Variants in CHMP3 observed in about 807,000 individuals in gnomAD.
CHMP3 encodes the protein charged multivesicular body protein 3, also known as 25.1 protein.
In CHMP3, 8 loss-of-function variants were observed where a neutral mutation model predicts 27.4. The observed-to-expected ratio is 0.29, with a 90% CI of 0.17 to 0.53. The LOEUF (loss-of-function observed/expected upper bound fraction) is 0.53, where lower values mean the gene tolerates loss of function less well. Among genes scored for constraint, CHMP3 ranks in the 20% least tolerant of loss-of-function variants. The pLI, the probability that CHMP3 is intolerant of heterozygous loss-of-function variation, is 0.96. For missense variants in CHMP3, 208 were observed against 271.5 expected, an observed-to-expected ratio of 0.77 and a Z score of 1.64; for synonymous variants, 86 against 85.5, an observed-to-expected ratio of 1.01 and a Z score of -0.03.
At chr2:86,535,562 G>A (rs1676093112) in intron 2 of CHMP3, among the ~76,000 whole-genome samples, 1 of 152,090 alleles carries the variant, frequency 6.6e-6, no homozygotes, top group African/African-American at 2.4e-5. Flanking sequence ...AGAGTGCAGT[G>A]GCATCATGAT....
At chr2:86,532,969 C>T (rs1310908724) in intron 2 of CHMP3, among the ~76,000 whole-genome samples, 1 of 152,208 alleles carries the variant, frequency 6.6e-6, no homozygotes, top group Non-Finnish European at 1.5e-5. Context: ...GTTTTCTTCT[C>T]TTCAATTTCT....
At chr2:86,514,560 C>T (rs775688479) in intron 3 of CHMP3, among the ~76,000 whole-genome samples, 43 of 152,144 alleles carry the variant, frequency 2.8e-4, no homozygotes, top group Non-Finnish European at 5.6e-4. Context: ...AAACCAAGAA[C>T]ACACATTATA....
intron 1 of CHMP3, chr2:86,562,988 T>C (rs1677447352): frequency 7.2e-6 from 2 of 278,332 alleles, no homozygotes; most frequent in South Asian, 2.2e-4. Flanking sequence ...TCCGGGCGGG[T>C]CGTACCAACG....
At chr2:86,513,896 G>A (rs958415746) in intron 3 of CHMP3, among the ~76,000 whole-genome samples, 1 of 152,192 alleles carries the variant, frequency 6.6e-6, no homozygotes, top group Non-Finnish European at 1.5e-5. Flanking sequence ...TTAGACTAGA[G>A]ATAATTGGGT....
chr2:86,542,178 G>A lies in CHMP3; in HGVS notation c.106+74C>T, dbSNP rs920823427. ...AAACTATGTCTTATGATATATAAAT[G>A]CAGTTTATTTTTATGAACTGAAGCA... On this transcript the variant is annotated intron_variant, in intron 2 of 5. Coordinates refer to ENST00000263856, the MANE Select transcript of CHMP3 (RefSeq NM_016079.4). 2.8e-6 allele frequency: 4 copies of A among 1,411,758 alleles called. No homozygotes were observed. In the African/African-American group the frequency reaches 4.3e-5, roughly 15 times the overall value. 87.5% of individuals were successfully genotyped at this position (1,411,758 alleles called of 1,614,324 possible).
chr2:86,509,201 C>T (rs930418850), intron 4 of CHMP3, among the ~76,000 whole-genome samples: 3 of 152,194 alleles, frequency 2.0e-5, no homozygotes, highest in Non-Finnish European at 2.9e-5. Flanking sequence ...AAAGGCTTCC[C>T]TCTCAGATCC....
chr2:86,533,572 A>G (rs1676007149), intron 2 of CHMP3, among the ~76,000 whole-genome samples: 1 of 152,034 alleles, frequency 6.6e-6, no homozygotes, highest in Non-Finnish European at 1.5e-5. Flanking sequence ...GTTGGTCACC[A>G]TCACAACTCA....
At chr2:86,555,443 A>G (rs1677082164) in intron 1 of CHMP3, among the ~76,000 whole-genome samples, 1 of 151,884 alleles carries the variant, frequency 6.6e-6, no homozygotes. Context: ...TGGAGACTGC[A>G]GTGAGCCGAG....
chr2:86,539,775 T>C (rs987302190), intron 2 of CHMP3, among the ~76,000 whole-genome samples: 2 of 152,120 alleles, frequency 1.3e-5, no homozygotes, highest in African/African-American at 4.8e-5. Flanking sequence ...GAAAAAATAA[T>C]TTATATTTAC....
At chr2:86,517,077 T>C (rs2044230) in intron 3 of CHMP3, among the ~76,000 whole-genome samples, 121,846 of 152,130 alleles carry the variant, frequency 0.8, 49,245 homozygotes, top group East Asian at 0.96. Flanking sequence ...GTGTACTACA[T>C]GTATGTGAGT....
At chr2:86,543,849 T>A (rs1329361083) in intron 1 of CHMP3, among the ~76,000 whole-genome samples, 1 of 152,240 alleles carries the variant, frequency 6.6e-6, no homozygotes, top group Non-Finnish European at 1.5e-5. Flanking sequence ...ATGTACTTTT[T>A]TTGGAAGTGA....
At chr2:86,556,618 C>T (rs1023240158) in intron 1 of CHMP3, among the ~76,000 whole-genome samples, 1 of 151,630 alleles carries the variant, frequency 6.6e-6, no homozygotes, top group African/African-American at 2.4e-5. Flanking sequence ...ACTTAGGCCT[C>T]GGAACCTGGC....
At chr2:86,539,393 C>CA (rs1323981612) in intron 2 of CHMP3, among the ~76,000 whole-genome samples, 1 of 152,084 alleles carries the variant, frequency 6.6e-6, no homozygotes, top group Non-Finnish European at 1.5e-5. Context: ...CAGGTGATAT[C>CA]AGAGTTTAAA....
intron 2 of CHMP3, chr2:86,540,540 G>T (rs954724082): frequency 6.6e-6 from 1 of 151,928 alleles, no homozygotes; most frequent in Non-Finnish European, 1.5e-5. Flanking sequence ...TGAAATATTT[G>T]GGTTGCTGAC....
At chr2:86,528,368 G>C (rs1675794322) in intron 3 of CHMP3, among the ~76,000 whole-genome samples, 1 of 151,946 alleles carries the variant, frequency 6.6e-6, no homozygotes, top group Non-Finnish European at 1.5e-5. Flanking sequence ...TATTGTCCAG[G>C]CTCAGGCACA....
chr2:86,558,287 C>T (rs1377225656), intron 1 of CHMP3, among the ~76,000 whole-genome samples: 1 of 152,178 alleles, frequency 6.6e-6, no homozygotes, highest in Non-Finnish European at 1.5e-5. Context: ...CTGGTCTTTA[C>T]TTGCATCCTT....
At chr2:86,540,402 T>C (rs138978694) in intron 2 of CHMP3, among the ~76,000 whole-genome samples, 51 of 152,190 alleles carry the variant, frequency 3.4e-4, no homozygotes, top group Non-Finnish European at 6.0e-4. Flanking sequence ...GTATTACAGG[T>C]TGAATATCTC....
At chr2:86,556,206 T>C (rs1387284646) in intron 1 of CHMP3, among the ~76,000 whole-genome samples, 1 of 152,172 alleles carries the variant, frequency 6.6e-6, no homozygotes, top group African/African-American at 2.4e-5. Context: ...TAGTGAAAAG[T>C]TTCCCTCCCA....
intron 2 of CHMP3, among the ~76,000 whole-genome samples, chr2:86,537,427 G>A (rs1676192547): frequency 6.6e-6 from 1 of 151,998 alleles, no homozygotes; most frequent in Admixed American, 6.6e-5. Context: ...ATCGATACTT[G>A]CTTTAAGTCT....
Sources: allele counts gnomAD v4.1 joint callset (sites outside exome capture counted in the v4.1 genomes callset), GRCh38; gene constraint gnomAD v4.1.1; transcripts MANE v1.5; gene names NCBI Gene and HGNC (gene_info 2026-07-23, HGNC 2026-07-21).